The following RORA variants were observed in gnomAD, a reference collection of about 807,000 sequenced individuals.
The protein encoded by RORA is RAR related orphan receptor A, also known as nuclear receptor ROR-alpha.
A neutral mutation model predicts 69.5 loss-of-function variants in RORA; 7 were observed. The ratio of observed to expected loss-of-function variants is 0.10; its 90% confidence interval spans 0.06 to 0.19. The LOEUF is 0.19. RORA is among the 10% of genes least tolerant of loss of function. The pLI is 1.00. For synonymous variants in RORA, 261 were observed against 240.8 expected (o/e 1.08, Z -0.78); for missense variants, 457 against 663.0 (o/e 0.69, Z 3.41).
intron 1 of RORA, among the ~76,000 whole-genome samples, chr15:60,777,031 C>A (rs1050454173): frequency 6.6e-6 from 1 of 152,058 alleles, no homozygotes; most frequent in African/African-American, 2.4e-5. Flanking sequence ...TGGAGTAGTG[C>A]CTAGTTAATA....
At chr15:61,192,139 A>C (rs1389575880) in intron 1 of RORA, among the ~76,000 whole-genome samples, 1 of 152,378 alleles carries the variant, frequency 6.6e-6, no homozygotes, top group East Asian at 1.9e-4. Context: ...GCCAACCTGC[A>C]GTTTCAGCAA....
intron 1 of RORA, among the ~76,000 whole-genome samples, chr15:61,002,389 T>C (rs1460262079): frequency 6.6e-6 from 1 of 152,216 alleles, no homozygotes; most frequent in Non-Finnish European, 1.5e-5. Context: ...TCAGCCATAT[T>C]TCTTCCACAT....
chr15:60,899,204 G>T (rs1287053435), intron 1 of RORA, among the ~76,000 whole-genome samples: 2 of 152,048 alleles, frequency 1.3e-5, no homozygotes, highest in African/African-American at 4.8e-5. Flanking sequence ...TCCTTCTGTA[G>T]TATCTCCCAG....
chr15:60,963,552 G>T (rs1199671841), intron 1 of RORA, among the ~76,000 whole-genome samples: 1 of 152,220 alleles, frequency 6.6e-6, no homozygotes, highest in Non-Finnish European at 1.5e-5. Context: ...TTGGCCTCCT[G>T]GACGGGGTAA....
chr15:61,019,022 T>C (rs1435715340), intron 1 of RORA, among the ~76,000 whole-genome samples: 1 of 152,222 alleles, frequency 6.6e-6, no homozygotes, highest in Non-Finnish European at 1.5e-5. Flanking sequence ...TTCCATCTTA[T>C]CTAATACACC....
chr15:60,691,105 T>C lies in RORA; in HGVS notation c.167-12419A>G, dbSNP rs545244892. Among the ~76,000 whole-genome samples, 4 of 152,212 alleles carry C rather than the reference T, an allele frequency of 2.6e-5. No individual in the cohort carries two copies. In the East Asian group the frequency reaches 7.7e-4, roughly 29 times the overall value. ...CTAAAGCTCTAAGCTTGCTCCAGAC[T>C]CACATCCTTTCTGTTTGTAGTTCCC... On this transcript the variant is annotated intron_variant, in intron 1 of 10. Coordinates refer to ENST00000335670, the MANE Select transcript of RORA (RefSeq NM_134261.3).
chr15:60,979,900 AT>A (rs1273111589), intron 1 of RORA, among the ~76,000 whole-genome samples: 2 of 152,120 alleles, frequency 1.3e-5, no homozygotes, highest in African/African-American at 4.8e-5. Flanking sequence ...CCTGGCTAAA[AT>A]TTCTAGTAAA....
At chr15:61,144,755 AC>A (rs1035163495) in intron 1 of RORA, among the ~76,000 whole-genome samples, 99 of 152,216 alleles carry the variant, frequency 6.5e-4, no homozygotes, top group African/African-American at 2.3e-3. Context: ...TTTGAAATAC[AC>A]CCTTTGACCC....
At chr15:60,930,848 C>T (rs1189024671) in intron 1 of RORA, among the ~76,000 whole-genome samples, 2 of 152,162 alleles carry the variant, frequency 1.3e-5, no homozygotes, top group African/African-American at 4.8e-5. Flanking sequence ...AGCCAAGAGA[C>T]CGACCCTGGT....
intron 1 of RORA, among the ~76,000 whole-genome samples, chr15:60,772,649 T>C (rs1395811277): frequency 6.6e-6 from 1 of 152,232 alleles, no homozygotes; most frequent in African/African-American, 2.4e-5. Flanking sequence ...TGTTAGGAAC[T>C]TGCTTTGCCT....
In RORA at chr15:60,597,559, TATATATATATATATACAC is replaced by T. The variant is rs1372245566; in HGVS notation, c.197-65726_197-65709del. Among the ~76,000 whole-genome samples the T allele has an allele frequency of 1.2e-3, 45 of 38,512 alleles. 1 individual carries two copies. Among genetic ancestry groups the T allele is most frequent in the East Asian group, 3.0e-3 (1 of 334 alleles). 25.3% of individuals were successfully genotyped at this position (38,512 alleles called of 152,430 possible). A position where few individuals can be genotyped will look rare whatever the true frequency, so the allele number is the denominator to read the frequency against. On this transcript the variant is annotated intron_variant, in intron 2 of 10. Transcript: ENST00000335670. ...CACACACACACACACAACATATATA[TATATATATATATATACAC>T]ATATATATATATATATACACATATA... is the stretch of plus-strand genomic sequence containing the variant.
At chr15:60,630,373 G>GTGTAT (rs1328845707) in intron 2 of RORA, 7 of 152,316 alleles carry the variant, frequency 4.6e-5, no homozygotes, top group African/African-American at 1.7e-4. Context: ...AAAGAGTGGT[G>GTGTAT]TGTCTTGTCT....
At chr15:60,822,190 G>A (rs2072901517) in intron 1 of RORA, among the ~76,000 whole-genome samples, 1 of 152,140 alleles carries the variant, frequency 6.6e-6, no homozygotes, top group Non-Finnish European at 1.5e-5. Context: ...AACTGAAATT[G>A]CCAGAATTTG....
chr15:61,166,866 T>C (rs2079543304), intron 1 of RORA, among the ~76,000 whole-genome samples: 1 of 152,140 alleles, frequency 6.6e-6, no homozygotes, highest in African/African-American at 2.4e-5. Context: ...AAAGACTCCA[T>C]TCTCATGTAC....
chr15:61,105,892 C>T (rs998478300), intron 1 of RORA, among the ~76,000 whole-genome samples: 1 of 152,174 alleles, frequency 6.6e-6, no homozygotes, highest in African/African-American at 2.4e-5. Context: ...CCATCAAAAA[C>T]CTATATGGTG....
At chr15:61,105,817 C>T (rs1431600059) in intron 1 of RORA, among the ~76,000 whole-genome samples, 6 of 152,292 alleles carry the variant, frequency 3.9e-5, no homozygotes, top group South Asian at 2.1e-4. Context: ...AAGGCTACTG[C>T]GGAAGTTAAA....
chr15:60,658,299 C>T (rs1164059192), intron 2 of RORA, among the ~76,000 whole-genome samples: 1 of 152,152 alleles, frequency 6.6e-6, no homozygotes, highest in Admixed American at 6.5e-5. Context: ...AAGTGATCCG[C>T]CCACCTCAGC....
chr15:60,559,935 C>A (rs1319713373), intron 2 of RORA, among the ~76,000 whole-genome samples: 1 of 152,076 alleles, frequency 6.6e-6, no homozygotes, highest in Non-Finnish European at 1.5e-5. Context: ...CTGTTTTATT[C>A]TTGACTGCCA....
intron 1 of RORA, among the ~76,000 whole-genome samples, chr15:61,023,743 A>G (rs536249861): frequency 3.7e-4 from 57 of 152,356 alleles, no homozygotes; most frequent in African/African-American, 1.3e-3. Context: ...GGACACTGAA[A>G]CAAATGAACT....
Sources: gnomAD v4.1 joint callset for allele counts (sites outside exome capture counted in the v4.1 genomes callset) on GRCh38, gnomAD v4.1.1 for gene constraint, MANE v1.5 for transcripts, NCBI Gene and HGNC (gene_info 2026-07-23, HGNC 2026-07-21) for gene names.